The following MLLT3 variants were observed in gnomAD, a reference collection of about 807,000 sequenced individuals.
MLLT3 encodes the protein protein AF-9.
A neutral mutation model predicts 53.2 loss-of-function variants in MLLT3; 4 were observed. The observed-to-expected ratio is 0.08, with a 90% confidence interval of 0.04 to 0.17. MLLT3 has a LOEUF of 0.17. Ranked by LOEUF, MLLT3 falls within the 10% of genes least tolerant of loss-of-function variation. The pLI is 1.00. For missense variants in MLLT3, 569 were observed against 684.0 expected (o/e 0.83, Z 1.87); for synonymous variants, 283 against 230.6 (o/e 1.23, Z -2.06).
At chr9:20,436,514 G>T (rs1586947961) in intron 4 of MLLT3, among the ~76,000 whole-genome samples, 1 of 152,320 alleles carries the variant, frequency 6.6e-6, no homozygotes, top group Non-Finnish European at 1.5e-5. Flanking sequence ...GGAGACTCAT[G>T]CAAGATTGCT....
At chr9:20,363,050 T>C (rs1360691545) in intron 7 of MLLT3, 1 of 154,420 alleles carries the variant, frequency 6.5e-6, no homozygotes, top group African/African-American at 2.4e-5. Context: ...CAGGTGATCC[T>C]AGTTTTAATT....
rs188200086 is a variant in MLLT3, at chr9:20,472,402, C to A, written c.194-15616G>T. Among the ~76,000 whole-genome samples, 6 of 152,058 alleles carry A rather than the reference C, an allele frequency of 3.9e-5. No individual in the cohort carries two copies. In the East Asian group the frequency reaches 1.2e-3, roughly 29 times the overall value. On this transcript the variant is annotated intron_variant, in intron 2 of 10. Coordinates refer to ENST00000380338, the MANE Select transcript of MLLT3 (RefSeq NM_004529.4). ...CAAACATCGCACATTTATTATACAC[C>A]AGGACTAAGAATGCAAGCATGAATG... is the stretch of plus-strand genomic sequence containing the variant.
rs1447102409 is a variant in MLLT3 at position 20,497,355 on chromosome 9, T to A, written c.194-40569A>T. ...TTTGATATGTTTTGACATAAATATATACCCAGGAAACCATCACCATAGTCA... is the reference window on the plus strand; with the variant it reads ...TTTGATATGTTTTGACATAAATATAAACCCAGGAAACCATCACCATAGTCA... On this transcript the variant is annotated intron_variant, in intron 2 of 10. Transcript: ENST00000380338. Among the ~76,000 whole-genome samples the A allele has an allele frequency of 3.3e-5, 5 of 152,198 alleles. No individual in the cohort carries two copies. The East Asian group carries it at 9.6e-4, about 29-fold the overall frequency.
chr9:20,615,381 A>G (rs1016589652), intron 2 of MLLT3, among the ~76,000 whole-genome samples: 1 of 150,220 alleles, frequency 6.7e-6, no homozygotes, highest in Non-Finnish European at 1.5e-5. Context: ...AAAAAAAAAA[A>G]AAAAAAAAAA....
At chr9:20,471,025 A>G (rs1026957055) in intron 2 of MLLT3, among the ~76,000 whole-genome samples, 3 of 151,890 alleles carry the variant, frequency 2.0e-5, no homozygotes, top group East Asian at 1.9e-4. Context: ...AAGATCACTG[A>G]TGTCACATAA....
intron 5 of MLLT3, among the ~76,000 whole-genome samples, chr9:20,371,042 T>C (rs930762657): frequency 6.6e-6 from 1 of 152,154 alleles, no homozygotes; most frequent in Non-Finnish European, 1.5e-5. Flanking sequence ...GGTCTGGATA[T>C]AAGATCACAC....
intron 2 of MLLT3, among the ~76,000 whole-genome samples, chr9:20,616,796 T>C (rs1057366805): frequency 6.6e-6 from 1 of 152,170 alleles, no homozygotes; most frequent in South Asian, 2.1e-4. Flanking sequence ...ATGGCTTTCT[T>C]CCAAATTTTG....
intron 5 of MLLT3, among the ~76,000 whole-genome samples, chr9:20,370,667 C>T (rs912074041): frequency 2.0e-5 from 3 of 152,028 alleles, no homozygotes; most frequent in Admixed American, 1.3e-4. Flanking sequence ...TGCACCAACA[C>T]GCCTAGCTAA....
At chr9:20,386,008 T>C (rs1822026543) in intron 5 of MLLT3, among the ~76,000 whole-genome samples, 1 of 152,200 alleles carries the variant, frequency 6.6e-6, no homozygotes, top group South Asian at 2.1e-4. Context: ...TCCACTCTGG[T>C]TCTGGTGAGA....
intron 4 of MLLT3, among the ~76,000 whole-genome samples, chr9:20,428,173 A>G (rs995772657): frequency 2.0e-5 from 3 of 152,104 alleles, no homozygotes; most frequent in African/African-American, 7.2e-5. Context: ...AAAACAATAG[A>G]AAAATATTTT....
At chr9:20,540,266 A>G (rs1818594892) in intron 2 of MLLT3, among the ~76,000 whole-genome samples, 1 of 152,168 alleles carries the variant, frequency 6.6e-6, no homozygotes, top group Admixed American at 6.5e-5. Context: ...CCCTCTTCTC[A>G]CAGCTCCACT....
chr9:20,385,152 T>G (rs1252959171), intron 5 of MLLT3, among the ~76,000 whole-genome samples: 1 of 152,184 alleles, frequency 6.6e-6, no homozygotes, highest in East Asian at 1.9e-4. Context: ...TAAAGGGGTC[T>G]ACAATACTTT....
intron 10 of MLLT3, among the ~76,000 whole-genome samples, chr9:20,351,891 C>G (rs939225885): frequency 3.3e-5 from 5 of 152,144 alleles, no homozygotes; most frequent in Admixed American, 3.3e-4. Context: ...AATCACAAGC[C>G]TCAGCTGCAT....
At chr9:20,599,084 T>C (rs986220197) in intron 2 of MLLT3, among the ~76,000 whole-genome samples, 5 of 152,120 alleles carry the variant, frequency 3.3e-5, no homozygotes, top group Admixed American at 3.3e-4. Context: ...GGCGGGCAGA[T>C]CACGAGGTCA....
intron 2 of MLLT3, among the ~76,000 whole-genome samples, chr9:20,587,879 A>C (rs202034445): frequency 3.0e-4 from 46 of 152,122 alleles, no homozygotes; most frequent in East Asian, 7.7e-4. Flanking sequence ...GCTTTTGTTG[A>C]CATTGCTTTT....
intron 2 of MLLT3, among the ~76,000 whole-genome samples, chr9:20,471,248 C>A (rs1824386275): frequency 6.6e-6 from 1 of 151,892 alleles, no homozygotes; most frequent in Non-Finnish European, 1.5e-5. Context: ...TGGATCTTCT[C>A]ATTTTTCTAC....
chr9:20,355,032 A>C (rs540825689), intron 8 of MLLT3, among the ~76,000 whole-genome samples, 153 bp from the exon 9 acceptor site: 2 of 151,332 alleles, frequency 1.3e-5, no homozygotes, highest in Non-Finnish European at 2.9e-5. Flanking sequence ...TCTTCTCTCT[A>C]ATCTTATTTT....
intron 2 of MLLT3, among the ~76,000 whole-genome samples, chr9:20,496,809 T>A (rs1476797283): frequency 1.3e-5 from 2 of 152,168 alleles, no homozygotes; most frequent in African/African-American, 4.8e-5. Context: ...CAAATCCCTG[T>A]CCAACTTCCT....
At chr9:20,455,465 G>A in intron 3 of MLLT3, among the ~76,000 whole-genome samples, 1 of 152,210 alleles carries the variant, frequency 6.6e-6, no homozygotes, top group East Asian at 1.9e-4. Flanking sequence ...TAGCAAATAT[G>A]CAGATTCCTA....
Sources: gnomAD v4.1 joint callset for allele counts (sites outside exome capture counted in the v4.1 genomes callset) on GRCh38, gnomAD v4.1.1 for gene constraint, MANE v1.5 for transcripts, NCBI Gene and HGNC (gene_info 2026-07-23, HGNC 2026-07-21) for gene names.